The following CADPS variants were observed in gnomAD, a reference collection of about 807,000 sequenced individuals.
CADPS encodes calcium dependent secretion activator.
In CADPS, 57 loss-of-function variants were observed where a neutral mutation model predicts 167.3. That is an observed-to-expected ratio of 0.34 (90% confidence interval 0.28 to 0.42). The LOEUF is 0.42. Among genes scored for constraint, CADPS ranks in the 20% least tolerant of loss-of-function variants. The pLI, the probability that CADPS is intolerant of heterozygous loss-of-function variation, is 1.00. For missense variants in CADPS, 1,414 were observed against 1,738.1 expected (o/e 0.81, Z 3.32); for synonymous variants, 676 against 635.3 (o/e 1.06, Z -0.96).
chr3:62,852,675 T>C (rs1272462026), intron 1 of CADPS, among the ~76,000 whole-genome samples: 1 of 152,090 alleles, frequency 6.6e-6, no homozygotes, highest in Non-Finnish European at 1.5e-5. Flanking sequence ...TCTACCTTCA[T>C]GACTTTGTTG....
At chr3:62,791,300 TAG>T (rs1456414488) in intron 1 of CADPS, among the ~76,000 whole-genome samples, 1 of 152,174 alleles carries the variant, frequency 6.6e-6, no homozygotes, top group African/African-American at 2.4e-5. Flanking sequence ...GCAATATGAC[TAG>T]TGTGAATGAA....
intron 3 of CADPS, among the ~76,000 whole-genome samples, chr3:62,723,391 A>C (rs13089803): frequency 0.075 from 11,371 of 152,222 alleles, 572 homozygotes; most frequent in Non-Finnish European, 0.11. Flanking sequence ...TTAAGGTTGC[A>C]GACGGGTAGA....
chr3:62,801,221 T>G (rs1343935333), intron 1 of CADPS, among the ~76,000 whole-genome samples: 9 of 152,152 alleles, frequency 5.9e-5, no homozygotes, highest in African/African-American at 2.2e-4. Context: ...GAACAGATGA[T>G]CTACTCCATA....
chr3:62,684,397 T>C (rs1190081023), intron 3 of CADPS, among the ~76,000 whole-genome samples: 1 of 152,056 alleles, frequency 6.6e-6, no homozygotes, highest in East Asian at 1.9e-4. Flanking sequence ...CAGGCTCAGC[T>C]TGTGTATTGC....
intron 3 of CADPS, among the ~76,000 whole-genome samples, chr3:62,678,351 A>ATTCT (rs1188407185): frequency 6.6e-6 from 1 of 152,134 alleles, no homozygotes; most frequent in African/African-American, 2.4e-5. Flanking sequence ...GAAAATCCCC[A>ATTCT]TTCTTTTTCC....
intron 3 of CADPS, among the ~76,000 whole-genome samples, chr3:62,719,768 T>G (rs1331714646): frequency 6.6e-6 from 1 of 152,194 alleles, no homozygotes; most frequent in Non-Finnish European, 1.5e-5. Context: ...CATTCATCAT[T>G]CAGTTGTTAG....
rs1436009590 is a variant in CADPS, at chr3:62,438,984, T to C, written c.3670-773A>G. The C allele has an allele frequency of 6.6e-6, 1 of 151,612 alleles. No individual in the cohort carries two copies. Among genetic ancestry groups the C allele is most frequent in the Admixed American group, 6.6e-5 (1 of 15,198 alleles). 9.4% of individuals were successfully genotyped at this position (151,612 alleles called of 1,614,324 possible). A position where few individuals can be genotyped will look rare whatever the true frequency, so the allele number is the denominator to read the frequency against. The stretch of plus-strand genomic sequence containing the variant: ...GGTGGTTCATCCTGCAGTTAGGAAA[T>C]GACTTATTGTAGGGAAGTAAAAAAA... On this transcript the variant is annotated intron_variant, in intron 27 of 29. Coordinates refer to ENST00000383710, the MANE Select transcript of CADPS (RefSeq NM_003716.4). This position sits in a 1 kb window ranked among gnomAD's most constrained non-coding sequence, Gnocchi z 4.7.
chr3:62,864,941 T>C (rs1017761765), intron 1 of CADPS, among the ~76,000 whole-genome samples: 3 of 152,174 alleles, frequency 2.0e-5, no homozygotes, highest in Non-Finnish European at 4.4e-5. Flanking sequence ...TTACATACTT[T>C]TTCTACAGGA....
At chr3:62,597,333 C>A (rs1386097548) in intron 6 of CADPS, among the ~76,000 whole-genome samples, 1 of 151,962 alleles carries the variant, frequency 6.6e-6, no homozygotes, top group Non-Finnish European at 1.5e-5. Context: ...GGTGACAGAG[C>A]GAGACCTTGT....
At chr3:62,710,261 C>G (rs898232204) in intron 3 of CADPS, among the ~76,000 whole-genome samples, 1 of 151,446 alleles carries the variant, frequency 6.6e-6, no homozygotes, top group Non-Finnish European at 1.5e-5. Flanking sequence ...CCTGGATGCA[C>G]GCTGGCCTCA....
At chr3:62,743,369 G>T (rs478714) in intron 3 of CADPS, among the ~76,000 whole-genome samples, 1 of 151,860 alleles carries the variant, frequency 6.6e-6, no homozygotes, top group Non-Finnish European at 1.5e-5. Context: ...GGCTGCTTTC[G>T]CTACAATGAC....
intron 9 of CADPS, among the ~76,000 whole-genome samples, chr3:62,565,015 C>G (rs2079881711): frequency 6.6e-6 from 1 of 152,194 alleles, no homozygotes; most frequent in African/African-American, 2.4e-5. Context: ...TCACTGTTCT[C>G]CTTACACACA....
intron 19 of CADPS, 137 bp from the exon 20 acceptor site, chr3:62,492,583 A>G: frequency 1.1e-6 from 1 of 875,352 alleles, no homozygotes; most frequent in Admixed American, 2.3e-5. Context: ...TGTAAAGAGA[A>G]CAGAATTTTT....
chr3:62,776,112 C>T (rs576470931), intron 1 of CADPS, among the ~76,000 whole-genome samples: 9 of 152,268 alleles, frequency 5.9e-5, no homozygotes, highest in Non-Finnish European at 1.3e-4. Context: ...GTCATGTGGA[C>T]TATGCTTCCA....
chr3:62,861,543 G>T (rs1385692698), intron 1 of CADPS, among the ~76,000 whole-genome samples: 1 of 152,164 alleles, frequency 6.6e-6, no homozygotes, highest in Non-Finnish European at 1.5e-5. Context: ...ACTGATCTGT[G>T]CTGGATAAAA....
At position 62,766,970 on chromosome 3, in the gene CADPS, T is replaced by C. The variant is rs149743577; in HGVS notation, c.442-986A>G. Among the ~76,000 whole-genome samples the C allele has an allele frequency of 9.6e-3, 1,464 of 152,258 alleles. 10 individuals are homozygous for C. The highest frequency in any genetic ancestry group is 0.017 in the Non-Finnish European group (1,152 of 67,994). ...TTTCCCAGGGCATAGCTAACTGCCT[T>C]ATATGTGCCAGACACTCAGGGCTGA... On this transcript the variant is annotated intron_variant, in intron 1 of 29. Coordinates refer to ENST00000383710, the MANE Select transcript of CADPS (RefSeq NM_003716.4).
intron 3 of CADPS, among the ~76,000 whole-genome samples, chr3:62,675,708 A>G (rs2150908722): frequency 6.6e-6 from 1 of 152,258 alleles, no homozygotes; most frequent in Middle Eastern, 3.4e-3. Flanking sequence ...ACAAGTTCCC[A>G]GCCTGAGAAA....
intron 1 of CADPS, among the ~76,000 whole-genome samples, chr3:62,869,098 A>T (rs2082192082): frequency 6.6e-6 from 1 of 152,128 alleles, no homozygotes; most frequent in Non-Finnish European, 1.5e-5. Flanking sequence ...CCTAATCCAA[A>T]AATCTGAAAT....
At chr3:62,779,633 TA>T in intron 1 of CADPS, 1 of 532,988 alleles carries the variant, frequency 1.9e-6, no homozygotes, top group Non-Finnish European at 3.8e-6. Flanking sequence ...GCATGCATTT[TA>T]AAGGCATAGG....
Sources: allele counts gnomAD v4.1 joint callset (sites outside exome capture counted in the v4.1 genomes callset), GRCh38; gene constraint gnomAD v4.1.1; non-coding constraint Gnocchi (gnomAD v3.1); transcripts MANE v1.5; gene names NCBI Gene and HGNC (gene_info 2026-07-23, HGNC 2026-07-21).